The following GRID2 variants were observed in gnomAD, a reference collection of about 807,000 sequenced individuals.
GRID2 encodes the protein glutamate receptor ionotropic, delta-2.
GRID2 carries 33 observed loss-of-function variants against 114.8 expected under a neutral mutation model. The ratio of observed to expected loss-of-function variants is 0.29; its 90% CI spans 0.22 to 0.38. The LOEUF is 0.38. GRID2 is among the 10% of genes least tolerant of loss of function. The pLI is 1.00. For missense variants in GRID2, 1,184 were observed against 1,257.7 expected, an observed-to-expected ratio of 0.94 and a Z score of 0.89; for synonymous variants, 505 against 449.9, an observed-to-expected ratio of 1.12 and a Z score of -1.55.
chr4:92,381,679 T>C (rs918779381), intron 1 of GRID2, among the ~76,000 whole-genome samples: 2 of 151,998 alleles, frequency 1.3e-5, no homozygotes, highest in Non-Finnish European at 2.9e-5. Flanking sequence ...ACCATCACCA[T>C]ATGGAAGTAC....
chr4:92,778,308 T>C (rs1040586477), intron 2 of GRID2, among the ~76,000 whole-genome samples: 1 of 152,172 alleles, frequency 6.6e-6, no homozygotes, highest in Non-Finnish European at 1.5e-5. Context: ...TTTCTTCTAC[T>C]GGCCTGTAAA....
At chr4:92,605,227 G>A (rs928109567) in intron 2 of GRID2, among the ~76,000 whole-genome samples, 12 of 151,910 alleles carry the variant, frequency 7.9e-5, no homozygotes, top group African/African-American at 2.2e-4. Flanking sequence ...TCTTTCTTTG[G>A]AAACTGCTTA....
At chr4:92,513,783 G>A (rs1283719202) in intron 1 of GRID2, among the ~76,000 whole-genome samples, 1 of 151,798 alleles carries the variant, frequency 6.6e-6, no homozygotes, top group African/African-American at 2.4e-5. Flanking sequence ...TATTGAATGA[G>A]TTGAAGGGTA....
chr4:93,061,103 A>AAAATAAATAAATAAATAAAT (rs58943728), intron 2 of GRID2, among the ~76,000 whole-genome samples: 1 of 143,874 alleles, frequency 7.0e-6, no homozygotes, highest in African/African-American at 2.6e-5. Flanking sequence ...ACTCCATCTC[A>AAAATAAATAAATAAATAAAT]AAATAAATAA....
At chr4:92,782,038 T>G (rs1739103141) in intron 2 of GRID2, among the ~76,000 whole-genome samples, 1 of 152,062 alleles carries the variant, frequency 6.6e-6, no homozygotes, top group Admixed American at 6.6e-5. Context: ...GGAGGCTTCA[T>G]AAGAGTTTTC....
At chr4:92,634,853 GAGAGAC>G (rs1433273476) in intron 2 of GRID2, among the ~76,000 whole-genome samples, 2 of 129,068 alleles carry the variant, frequency 1.5e-5, no homozygotes, top group African/African-American at 2.9e-5. Flanking sequence ...ATTCGTTGCA[GAGAGAC>G]AGAGAGAGAG....
chr4:93,450,419 T>G (rs1722572567), intron 10 of GRID2, among the ~76,000 whole-genome samples: 1 of 151,936 alleles, frequency 6.6e-6, no homozygotes, highest in South Asian at 2.1e-4. Context: ...GTAAAACACA[T>G]GATACTTGGT....
intron 2 of GRID2, among the ~76,000 whole-genome samples, chr4:92,986,689 G>C (rs1463279272): frequency 3.3e-5 from 5 of 152,130 alleles, no homozygotes; most frequent in African/African-American, 1.2e-4. Flanking sequence ...CAACTTTCCT[G>C]TAAGTCTAAA....
chr4:93,525,560 G>A (rs1363176648), intron 13 of GRID2, among the ~76,000 whole-genome samples: 2 of 152,156 alleles, frequency 1.3e-5, no homozygotes, highest in African/African-American at 4.8e-5. Flanking sequence ...GTGAAGAATA[G>A]AGAGCCACTT....
chr4:92,935,114 G>T (rs1433512191), intron 2 of GRID2, among the ~76,000 whole-genome samples: 1 of 146,158 alleles, frequency 6.8e-6, no homozygotes, highest in Non-Finnish European at 1.5e-5. Context: ...CTACAAAATG[G>T]GAGAAAATTT....
intron 13 of GRID2, among the ~76,000 whole-genome samples, chr4:93,537,740 A>T (rs1464743587): frequency 2.0e-5 from 3 of 151,744 alleles, no homozygotes; most frequent in Admixed American, 6.6e-5. Context: ...CTCATTAGAG[A>T]TGTTTGATCC....
intron 14 of GRID2, among the ~76,000 whole-genome samples, chr4:93,744,602 T>C (rs1444087168): frequency 6.6e-6 from 1 of 152,146 alleles, no homozygotes; most frequent in Non-Finnish European, 1.5e-5. Context: ...GCAAAGAAAG[T>C]GGTTTCTTGA....
chr4:92,681,839 G>T (rs1733665124), intron 2 of GRID2, among the ~76,000 whole-genome samples: 1 of 151,866 alleles, frequency 6.6e-6, no homozygotes, highest in Non-Finnish European at 1.5e-5. Context: ...GAAGATGAAG[G>T]GTATATGGTA....
chr4:93,349,224 T>C (rs554810021), intron 8 of GRID2, among the ~76,000 whole-genome samples: 2 of 152,250 alleles, frequency 1.3e-5, no homozygotes, highest in Admixed American at 1.3e-4. Context: ...AAATGAAATA[T>C]GTCTTATCTC....
At chr4:93,255,582 G>A (rs1749483791) in intron 8 of GRID2, among the ~76,000 whole-genome samples, 1 of 151,990 alleles carries the variant, frequency 6.6e-6, no homozygotes, top group South Asian at 2.1e-4. Flanking sequence ...CTTCTCACTG[G>A]AATAAGTGAG....
At position 93,048,950 on chromosome 4, in the gene GRID2, C is replaced by T. The variant is rs142818876; in HGVS notation, c.245-36045C>T. On this transcript the variant is annotated intron_variant, in intron 2 of 15. Transcript: ENST00000282020. ...ATTGAGACAAATGTTAAATATGGCC[C>T]CTGGGTTTATTAAAAGGCTTTGATT... 1.7e-4 allele frequency among the ~76,000 whole-genome samples: 26 copies of T among 151,996 alleles called. No homozygotes were observed. The East Asian group carries it at 4.9e-3, about 28-fold the overall frequency.
chr4:92,928,594 A>G (rs1750003285), intron 2 of GRID2, among the ~76,000 whole-genome samples: 1 of 151,596 alleles, frequency 6.6e-6, no homozygotes. Context: ...TTCTCCTAAC[A>G]TTTACTTGAG....
intron 8 of GRID2, among the ~76,000 whole-genome samples, chr4:93,365,217 T>A (rs1304872662): frequency 6.6e-6 from 1 of 152,158 alleles, no homozygotes; most frequent in African/African-American, 2.4e-5. Context: ...TAGGGTGCAA[T>A]GAGTTTTTGT....
chr4:93,362,544 C>T (rs1190867668), intron 8 of GRID2, among the ~76,000 whole-genome samples: 1 of 152,008 alleles, frequency 6.6e-6, no homozygotes, highest in African/African-American at 2.4e-5. Flanking sequence ...CACCTGTTTC[C>T]TGAGAAACTA....
Sources: allele counts gnomAD v4.1 joint callset (sites outside exome capture counted in the v4.1 genomes callset), GRCh38; gene constraint gnomAD v4.1.1; transcripts MANE v1.5; gene names NCBI Gene and HGNC (gene_info 2026-07-23, HGNC 2026-07-21).